FBLN5: variants seen among roughly 807,000 people sequenced by gnomAD.
FBLN5 encodes fibulin 5, also known as fibulin-5.
Under a neutral mutation model 61.6 loss-of-function variants are expected in FBLN5, and 24 were observed. The ratio of observed to expected loss-of-function variants is 0.39; its 90% CI spans 0.28 to 0.55. The LOEUF (loss-of-function observed/expected upper bound fraction) is 0.55. Ranked by LOEUF, FBLN5 falls within the 20% of genes least tolerant of loss-of-function variation. The pLI, the probability that FBLN5 is intolerant of heterozygous loss-of-function variation, is 0.65. For missense variants in FBLN5, 470 were observed against 594.1 expected (o/e 0.79, Z 2.17); for synonymous variants, 213 against 219.8 (o/e 0.97, Z 0.27).
chr14:91,870,190 A>T lies in FBLN5; in HGVS notation c.*34T>A. 6.2e-7 allele frequency: 1 copy of T among 1,606,296 alleles called. No individual in the cohort carries two copies. Among genetic ancestry groups the T allele is most frequent in the Non-Finnish European group, 8.5e-7 (1 of 1,172,816 alleles). ...TCTCTTCTCCTGTCCCTTGGTGCCAATGAGAGGCAGCGTCGGAGGCTCCAG... is the reference window on the plus strand; with the variant it reads ...TCTCTTCTCCTGTCCCTTGGTGCCATTGAGAGGCAGCGTCGGAGGCTCCAG... On this transcript the variant is annotated 3_prime_UTR_variant, in exon 11 of 11. Transcript: ENST00000342058.
At chr14:91,880,315 A>T (rs1468469957) in intron 9 of FBLN5, among the ~76,000 whole-genome samples, 1 of 152,190 alleles carries the variant, frequency 6.6e-6, no homozygotes, top group Non-Finnish European at 1.5e-5. Context: ...ACTGAATCAC[A>T]CTTTAACGAG....
intron 4 of FBLN5, 104 bp downstream of exon 4, chr14:91,936,843 T>C (rs755752197): frequency 1.6e-6 from 2 of 1,288,028 alleles, no homozygotes; most frequent in Non-Finnish European, 1.1e-6. Flanking sequence ...GTTTCACTGG[T>C]GCATTGAATG....
chr14:91,873,894 G>A lies in FBLN5; in HGVS notation c.1186-3509C>T, dbSNP rs561368644. 7.2e-3 allele frequency: 1,096 copies of A among 152,388 alleles called. 8 individuals carry two copies. Among genetic ancestry groups the A allele is most frequent in the Middle Eastern group, 0.02 (6 of 294 alleles). The allele number at this position is 152,388 out of a possible 1,614,324, so 9.4% of individuals were successfully genotyped here. Reference sequence around the variant, plus strand: ...CCATGGGCCCTGTCACTTGATCCACGTGTGTCATGGAGTAAGTGCACTTTG... The same window carrying A: ...CCATGGGCCCTGTCACTTGATCCACATGTGTCATGGAGTAAGTGCACTTTG... On this transcript the variant is annotated intron_variant, in intron 10 of 10. Transcript: ENST00000342058.
chr14:91,892,765 T>C (rs1595306337), intron 5 of FBLN5, among the ~76,000 whole-genome samples: 1 of 152,232 alleles, frequency 6.6e-6, no homozygotes, highest in East Asian at 1.9e-4. Context: ...CCCTCATTTT[T>C]CTGCAAAAGC....
intron 8 of FBLN5, 31 bp from the exon 9 acceptor site, chr14:91,881,449 C>T: frequency 6.2e-7 from 1 of 1,613,738 alleles, no homozygotes; most frequent in African/African-American, 1.3e-5. Context: ...GAAGCGGAGG[C>T]AGGGCATTAT....
intron 6 of FBLN5, among the ~76,000 whole-genome samples, chr14:91,889,643 G>A (rs372305865): frequency 2.0e-5 from 3 of 152,214 alleles, no homozygotes; most frequent in East Asian, 1.9e-4. Flanking sequence ...ATGAACAGAC[G>A]TGACAATGCT....
At chr14:91,876,288 C>T (rs967920574) in intron 10 of FBLN5, among the ~76,000 whole-genome samples, 1 of 152,150 alleles carries the variant, frequency 6.6e-6, no homozygotes, top group African/African-American at 2.4e-5. Context: ...TTCATAGGGC[C>T]CAGTCTCTAA....
chr14:91,869,997 A>C lies in FBLN5; in HGVS notation c.*227T>G, dbSNP rs1035193180. The C allele has an allele frequency of 1.8e-6, 1 of 569,384 alleles. No individual in the cohort carries two copies. The highest frequency in any genetic ancestry group is 3.2e-6 in the Non-Finnish European group (1 of 314,524). The allele number at this position is 569,384 out of a possible 1,614,324, so 35.3% of individuals were successfully genotyped here. A position where few individuals can be genotyped will look rare whatever the true frequency, so the allele number is the denominator to read the frequency against. On this transcript the variant is annotated 3_prime_UTR_variant, in exon 11 of 11. Transcript: ENST00000342058. ...AATCTTCTATCAGGGGAGCAATGATAATACTTTTTGATAACTGTGTCATAG... is the reference window on the plus strand; with the variant it reads ...AATCTTCTATCAGGGGAGCAATGATCATACTTTTTGATAACTGTGTCATAG...
rs553079517 is a variant in FBLN5, at chr14:91,903,879, A to C, written c.380-8807T>G. ...GTCTTTTCTCTAAATGATTGTAATA[A>C]CCTCATCAGTTGTCTGGCAGCTCCA... On this transcript the variant is annotated intron_variant, in intron 4 of 10. Coordinates refer to ENST00000342058, the MANE Select transcript of FBLN5 (RefSeq NM_006329.4). Among the ~76,000 whole-genome samples the C allele has an allele frequency of 1.5e-4, 23 of 152,142 alleles. 1 individual carries two copies. The highest frequency in any genetic ancestry group is 3.1e-4 in the Non-Finnish European group (21 of 68,024).
intron 4 of FBLN5, among the ~76,000 whole-genome samples, chr14:91,911,759 G>T (rs907078371): frequency 1.1e-4 from 17 of 150,140 alleles, no homozygotes; most frequent in Non-Finnish European, 7.4e-5. Context: ...TCTTACCTCT[G>T]CAGGGCTAAG....
chr14:91,872,779 TG>T lies in FBLN5; in HGVS notation c.1186-2395del, dbSNP rs1889001590. ...GTCAGCCCTTACGAAACCTGAGCCCTGGGCCAGGGCTTCAGAGGGTAAAGCC... is the reference window on the plus strand; with the variant it reads ...GTCAGCCCTTACGAAACCTGAGCCCTGGCCAGGGCTTCAGAGGGTAAAGCC... On this transcript the variant is annotated intron_variant, in intron 10 of 10. Transcript: ENST00000342058. Among the ~76,000 whole-genome samples, 4 of 152,282 alleles carry T rather than the reference TG, an allele frequency of 2.6e-5. 1 individual carries two copies. The highest frequency in any genetic ancestry group is 2.6e-4 in the Admixed American group (4 of 15,294).
chr14:91,901,674 G>A (rs865942760), intron 4 of FBLN5, among the ~76,000 whole-genome samples: 8 of 152,190 alleles, frequency 5.3e-5, no homozygotes, highest in Admixed American at 2.0e-4. Context: ...AGATCTCAGC[G>A]TTGGAGAACT....
At chr14:91,897,338 C>T (rs1595310258) in intron 4 of FBLN5, among the ~76,000 whole-genome samples, 2 of 152,290 alleles carry the variant, frequency 1.3e-5, no homozygotes, top group Middle Eastern at 6.8e-3. Flanking sequence ...TGCTCAAATC[C>T]ACAGTGAAGT....
At chr14:91,909,929 T>C (rs1319541304) in intron 4 of FBLN5, among the ~76,000 whole-genome samples, 2 of 152,188 alleles carry the variant, frequency 1.3e-5, no homozygotes, top group Non-Finnish European at 2.9e-5. Context: ...CTTGTGGGAA[T>C]GTAAAATTGG....
In FBLN5 at chr14:91,903,773, T is replaced by C. The variant is rs117277922; in HGVS notation, c.380-8701A>G. ...ACGTCCCACTCTCATACAATTGCCA[T>C]GGCCAGGCAGTTCTTCTGAAAATCT... On this transcript the variant is annotated intron_variant, in intron 4 of 10. Coordinates refer to ENST00000342058, the MANE Select transcript of FBLN5 (RefSeq NM_006329.4). Among the ~76,000 whole-genome samples the C allele has an allele frequency of 4.5e-4, 68 of 152,276 alleles. No homozygotes were observed. The East Asian group carries it at 0.012, about 27-fold the overall frequency.
intron 9 of FBLN5, chr14:91,878,002 C>T (rs1333432140): frequency 2.1e-6 from 1 of 486,476 alleles, no homozygotes; most frequent in Admixed American, 2.3e-5. Flanking sequence ...CCAAATATGC[C>T]ACTCCAGCCT....
At chr14:91,910,726 C>A (rs1262823374) in intron 4 of FBLN5, among the ~76,000 whole-genome samples, 1 of 152,120 alleles carries the variant, frequency 6.6e-6, no homozygotes, top group Non-Finnish European at 1.5e-5. Flanking sequence ...TTCTGTAACC[C>A]CATCTCCACA....
intron 4 of FBLN5, among the ~76,000 whole-genome samples, chr14:91,920,613 C>A (rs2055716954): frequency 6.6e-6 from 1 of 152,200 alleles, no homozygotes; most frequent in South Asian, 2.1e-4. Context: ...CTCAACCAAA[C>A]TATAAATGTC....
intron 4 of FBLN5, among the ~76,000 whole-genome samples, chr14:91,897,919 G>A (rs540985948): frequency 5.9e-5 from 9 of 152,092 alleles, no homozygotes; most frequent in South Asian, 2.1e-4. Context: ...GTGTGGTGGC[G>A]CATACCTGTA....
Sources: allele counts gnomAD v4.1 joint callset (sites outside exome capture counted in the v4.1 genomes callset), GRCh38; gene constraint gnomAD v4.1.1; transcripts MANE v1.5; gene names NCBI Gene and HGNC (gene_info 2026-07-23, HGNC 2026-07-21).